Variants in LIMS1 observed in about 807,000 individuals in gnomAD.
The protein encoded by LIMS1 is LIM zinc finger domain containing 1, also known as LIM and senescent cell antigen-like-containing domain protein 1.
In LIMS1, 18 loss-of-function variants were observed where a neutral mutation model predicts 44.1. That is an observed-to-expected ratio of 0.41 (90% CI 0.28 to 0.61). LIMS1 has a LOEUF of 0.61. Ranked by LOEUF, LIMS1 falls within the 20% of genes least tolerant of loss-of-function variation. LIMS1 has a pLI of 0.32. For synonymous variants in LIMS1, 93 were observed against 149.1 expected (o/e 0.62, Z 2.74); for missense variants, 201 against 422.0 (o/e 0.48, Z 4.59).
intron 9 of LIMS1, among the ~76,000 whole-genome samples, chr2:108,681,994 T>C (rs1181236246): frequency 6.6e-6 from 1 of 152,126 alleles, no homozygotes; most frequent in Non-Finnish European, 1.5e-5. Flanking sequence ...ATTCATACAA[T>C]ACCCATATGC....
chr2:108,535,750 A>C (rs546459991), intron 1 of LIMS1, among the ~76,000 whole-genome samples: 1 of 152,342 alleles, frequency 6.6e-6, no homozygotes, highest in South Asian at 2.1e-4. Context: ...CATTGGGAGC[A>C]AAATATTGTC....
At chr2:108,572,549 T>C (rs779676169) in intron 1 of LIMS1, among the ~76,000 whole-genome samples, 34 of 151,962 alleles carry the variant, frequency 2.2e-4, no homozygotes, top group Non-Finnish European at 4.1e-4. Context: ...CCCACCCAGC[T>C]AATTTTTTGT....
intron 2 of LIMS1, among the ~76,000 whole-genome samples, chr2:108,667,804 C>G (rs1406942080): frequency 6.6e-6 from 1 of 151,980 alleles, no homozygotes. Flanking sequence ...AAATGGTATA[C>G]TTACTTGCAT....
chr2:108,584,079 G>T (rs781361266), intron 1 of LIMS1, among the ~76,000 whole-genome samples: 25 of 152,238 alleles, frequency 1.6e-4, no homozygotes, highest in Middle Eastern at 6.8e-3. Context: ...TTCTCTCAGG[G>T]TTCCCAGACC....
chr2:108,541,657 C>T (rs962260325), intron 1 of LIMS1, among the ~76,000 whole-genome samples: 4 of 152,184 alleles, frequency 2.6e-5, no homozygotes, highest in African/African-American at 9.7e-5. Flanking sequence ...CACACTGTTT[C>T]CTTAGCCTTT....
chr2:108,611,705 C>T (rs563326288), intron 1 of LIMS1, among the ~76,000 whole-genome samples: 11 of 151,844 alleles, frequency 7.2e-5, no homozygotes, highest in Admixed American at 5.9e-4. Flanking sequence ...TGTGGCAAAA[C>T]CCTGTCTCTA....
chr2:108,565,342 G>A (rs1162636235), intron 1 of LIMS1, among the ~76,000 whole-genome samples: 1 of 152,132 alleles, frequency 6.6e-6, no homozygotes, highest in Non-Finnish European at 1.5e-5. Context: ...ATAAAATTTG[G>A]GAGGCACATA....
chr2:108,646,688 A>G (rs1170834801), intron 1 of LIMS1, among the ~76,000 whole-genome samples: 3 of 152,194 alleles, frequency 2.0e-5, no homozygotes, highest in African/African-American at 4.8e-5. Flanking sequence ...TGAATCCAGG[A>G]GCTGGGGTTT....
intron 1 of LIMS1, among the ~76,000 whole-genome samples, chr2:108,598,734 AGCCCTG>A (rs1347665615): frequency 2.6e-5 from 4 of 152,328 alleles, no homozygotes; most frequent in Admixed American, 1.3e-4. Flanking sequence ...TTGTAAACGT[AGCCCTG>A]GTCTTTCAAA....
At chr2:108,621,263 G>T in intron 1 of LIMS1, 1 of 1,522,316 alleles carries the variant, frequency 6.6e-7, no homozygotes, top group South Asian at 1.2e-5. Flanking sequence ...GTGTGCTGAG[G>T]TCCCTCGGCA....
At chr2:108,678,184 T>G (rs1692701287) in intron 8 of LIMS1, among the ~76,000 whole-genome samples, 157 bp downstream of exon 8, 1 of 152,216 alleles carries the variant, frequency 6.6e-6, no homozygotes, top group South Asian at 2.1e-4. Flanking sequence ...TCTGTAGCAG[T>G]AAGATGATAA....
chr2:108,592,644 A>T (rs1299691685), intron 1 of LIMS1, among the ~76,000 whole-genome samples: 1 of 152,204 alleles, frequency 6.6e-6, no homozygotes, highest in Non-Finnish European at 1.5e-5. Flanking sequence ...TAAGGAGCGT[A>T]TACTTTTCTC....
intron 1 of LIMS1, among the ~76,000 whole-genome samples, chr2:108,568,843 CTG>C (rs1029074903): frequency 1.3e-5 from 2 of 152,078 alleles, no homozygotes; most frequent in African/African-American, 4.8e-5. Context: ...GGAAAAAAGT[CTG>C]TTAAATTCTT....
intron 1 of LIMS1, among the ~76,000 whole-genome samples, chr2:108,617,246 T>C (rs149283289): frequency 3.9e-5 from 6 of 152,336 alleles, no homozygotes; most frequent in African/African-American, 1.4e-4. Context: ...CTTTACCCTC[T>C]TATATCTGAA....
At chr2:108,614,725 G>GTTGT (rs1687840473) in intron 1 of LIMS1, among the ~76,000 whole-genome samples, 1 of 152,202 alleles carries the variant, frequency 6.6e-6, no homozygotes, top group Non-Finnish European at 1.5e-5. Context: ...TGTTATGTGT[G>GTTGT]TTGTTGCCTT....
At chr2:108,570,587 C>A (rs1685449437) in intron 1 of LIMS1, among the ~76,000 whole-genome samples, 1 of 152,052 alleles carries the variant, frequency 6.6e-6, no homozygotes, top group South Asian at 2.1e-4. Flanking sequence ...CACAAGCAAA[C>A]AAACAGAAGA....
At chr2:108,605,649 T>G (rs766804425) in intron 1 of LIMS1, among the ~76,000 whole-genome samples, 2 of 152,134 alleles carry the variant, frequency 1.3e-5, no homozygotes, top group African/African-American at 4.8e-5. Context: ...CAGAAGAATG[T>G]GTCAGTGTTT....
At chr2:108,667,383 C>G (rs1242563104) in intron 2 of LIMS1, among the ~76,000 whole-genome samples, 3 of 152,044 alleles carry the variant, frequency 2.0e-5, no homozygotes, top group African/African-American at 7.2e-5. Context: ...CCCAAGGCCA[C>G]ACAATGAGTC....
exon 10 of LIMS1, chr2:108,684,450 A>C (rs1378825286): frequency 1.3e-5 from 2 of 152,298 alleles, no homozygotes; most frequent in Non-Finnish European, 2.9e-5. Context: ...CAAAAACAAG[A>C]AAAACAAATC....
Sources: gnomAD v4.1 joint callset for allele counts (sites outside exome capture counted in the v4.1 genomes callset) on GRCh38, gnomAD v4.1.1 for gene constraint, MANE v1.5 for transcripts, NCBI Gene and HGNC (gene_info 2026-07-23, HGNC 2026-07-21) for gene names.